Variants in ZNF667 observed in about 807,000 individuals in gnomAD.
ZNF667 encodes the protein zinc finger protein 667.
ZNF667 carries 13 observed loss-of-function variants against 31.8 expected under a neutral mutation model. That is an observed-to-expected ratio of 0.41 (90% CI 0.27 to 0.65). The LOEUF is 0.65. ZNF667 is among the 30% of genes least tolerant of loss of function. The pLI is 0.32. For missense variants in ZNF667, 642 were observed against 725.6 expected, an observed-to-expected ratio of 0.88 and a Z score of 1.32; for synonymous variants, 228 against 247.1, an observed-to-expected ratio of 0.92 and a Z score of 0.73.
At chr19:56,470,890 G>A (rs1328215247) in intron 3 of ZNF667, among the ~76,000 whole-genome samples, 4 of 152,144 alleles carry the variant, frequency 2.6e-5, no homozygotes, top group Non-Finnish European at 5.9e-5. Flanking sequence ...ACGGTGTGCT[G>A]GGGAATGTTT....
intron 2 of ZNF667, chr19:56,472,403 A>G (rs554263829): frequency 6.6e-6 from 1 of 152,122 alleles, no homozygotes; most frequent in African/African-American, 2.4e-5. Flanking sequence ...TTCCTTTTCA[A>G]CTCACAATAC....
chr19:56,451,066 T>C (rs1246300559), intron 6 of ZNF667, among the ~76,000 whole-genome samples: 1 of 151,992 alleles, frequency 6.6e-6, no homozygotes, highest in Admixed American at 6.6e-5. Context: ...AAAGACTCAA[T>C]GATCTGTTCC....
chr19:56,458,065 T>C, intron 6 of ZNF667, 90 bp downstream of exon 6: 1 of 1,145,292 alleles, frequency 8.7e-7, no homozygotes, highest in South Asian at 1.3e-5. Context: ...AGAAGTAGAT[T>C]TCTGGTGTTT....
Position 56,441,693 on chromosome 19 carries a change from C to G in ZNF667, c.1302G>C (p.Gln434His), listed in dbSNP as rs1216654034. The change falls in exon 7 of 7, where the codon CAG becomes CAC. Residue 434 changes from glutamine (Q) to histidine (H), a missense_variant. By Grantham distance (24) the Gln-to-His change is conservative. Coordinates refer to ENST00000504904, the MANE Select transcript of ZNF667 (RefSeq NM_001321356.2). The surrounding 1 kb of genome is among the most constrained non-coding windows in gnomAD (Gnocchi z 4.2). ...FSGTANLKIH[Q>H]NIHSEEKPFK... is the part of the protein sequence containing the mutation. ...AAGGTTTCTCTTCAGAATGAATATT[C>G]TGATGTATTTTAAGGTTTGCAGTTC... The G allele has an allele frequency of 6.2e-7, 1 of 1,614,152 alleles. No individual in the cohort carries two copies. Among genetic ancestry groups the G allele is most frequent in the Non-Finnish European group, 8.5e-7 (1 of 1,180,036 alleles).
rs968601461 is a variant in ZNF667, at chr19:56,467,532, T to C, written c.-60+4167A>G. 3.9e-4 allele frequency among the ~76,000 whole-genome samples: 60 copies of C among 152,166 alleles called. 1 individual carries two copies. Among genetic ancestry groups the C allele is most frequent in the African/African-American group, 2.7e-4 (11 of 41,422 alleles). ...CAACTCAATTCTGACACTATGTTCC[T>C]GGGGACAGAATCAGATCCCAGAGCT... is the stretch of plus-strand genomic sequence containing the variant. On this transcript the variant is annotated intron_variant, in intron 3 of 6. Transcript: ENST00000504904.
chr19:56,441,273 C>G lies in ZNF667; in HGVS notation c.1722G>C (p.Gln574His). 6.2e-7 allele frequency: 1 copy of G among 1,614,156 alleles called. No homozygotes were observed. The highest frequency in any genetic ancestry group is 8.5e-7 in the Non-Finnish European group (1 of 1,180,006). Reference protein sequence around the residue: ...FSSGSDLIRHQRSHSSEKPYE... With the variant: ...FSSGSDLIRHHRSHSSEKPYE... ...AGGGTTTCTCTGAAGAATGACTTCT[C>G]TGATGTCGAATAAGGTCTGAGCCAC... is the stretch of plus-strand genomic sequence containing the variant. Residue 574 changes from glutamine (Q) to histidine (H), a missense_variant, in exon 7 of 7, where the codon CAG (glutamine) becomes CAC (histidine). Coordinates refer to ENST00000504904, the MANE Select transcript of ZNF667 (RefSeq NM_001321356.2). The surrounding 1 kb of genome is among the most constrained non-coding windows in gnomAD (Gnocchi z 4.2).
At chr19:56,451,918 A>T (rs2042837156) in intron 6 of ZNF667, among the ~76,000 whole-genome samples, 1 of 150,558 alleles carries the variant, frequency 6.6e-6, no homozygotes, top group African/African-American at 2.4e-5. Flanking sequence ...TTGAAATCAT[A>T]TCAAGTATCT....
At chr19:56,463,049 G>A (rs1271500149) in intron 3 of ZNF667, among the ~76,000 whole-genome samples, 4 of 152,072 alleles carry the variant, frequency 2.6e-5, no homozygotes, top group African/African-American at 7.2e-5. Context: ...AGGAGAGCAA[G>A]GTCTGTGTAC....
At chr19:56,454,077 C>T (rs1328424060) in intron 6 of ZNF667, among the ~76,000 whole-genome samples, 1 of 152,078 alleles carries the variant, frequency 6.6e-6, no homozygotes, top group African/African-American at 2.4e-5. Flanking sequence ...CAAGTAATCC[C>T]ATTTACAATA....
chr19:56,469,555 A>C (rs974200776), intron 3 of ZNF667, among the ~76,000 whole-genome samples: 2 of 152,198 alleles, frequency 1.3e-5, no homozygotes, highest in African/African-American at 2.4e-5. Flanking sequence ...CCTCCCTGCT[A>C]GTCCCTGAAG....
intron 4 of ZNF667, 24 bp downstream of exon 4, chr19:56,462,314 G>A (rs759692280): frequency 6.2e-7 from 1 of 1,614,080 alleles, no homozygotes; most frequent in Admixed American, 1.7e-5. Flanking sequence ...GGGTGTTCCG[G>A]AAGGAAGAGG....
intron 5 of ZNF667, among the ~76,000 whole-genome samples, chr19:56,458,776 C>G (rs1020959502): frequency 2.0e-5 from 3 of 152,188 alleles, no homozygotes; most frequent in Admixed American, 6.5e-5. Flanking sequence ...TCCCTCCCCC[C>G]ATAACTTACC....
At chr19:56,460,443 G>A (rs2043021838) in intron 5 of ZNF667, among the ~76,000 whole-genome samples, 1 of 152,174 alleles carries the variant, frequency 6.6e-6, no homozygotes, top group South Asian at 2.1e-4. Flanking sequence ...TGGGTACTGG[G>A]TTTTTGGGTG....
In ZNF667 at chr19:56,441,225, C is replaced by CT. The variant is rs751613633; in HGVS notation, c.1769dup (p.Ala591GlyfsTer3). ...TCAGGGATGAACTCCGACTATATGC[C>CT]TTCCCACATTTACTACATTCATAGG... On this transcript the variant is annotated frameshift_variant, in exon 7 of 7. Coordinates refer to ENST00000504904, the MANE Select transcript of ZNF667 (RefSeq NM_001321356.2). LOFTEE classifies it high-confidence loss of function. This position sits in a 1 kb window ranked among gnomAD's most constrained non-coding sequence, Gnocchi z 4.2. 6.2e-7 allele frequency: 1 copy of CT among 1,613,940 alleles called. No individual in the cohort carries two copies.
chr19:56,461,189 A>T (rs2043037972), intron 4 of ZNF667, among the ~76,000 whole-genome samples: 1 of 152,278 alleles, frequency 6.6e-6, no homozygotes, highest in East Asian at 1.9e-4. Context: ...AGGCCCAGAG[A>T]GATGAGAAAA....
Position 56,467,901 on chromosome 19 carries a change from A to C in ZNF667, c.-60+3798T>G, listed in dbSNP as rs1487668801. The C allele has an allele frequency of 2.0e-5, 3 of 152,246 alleles. No individual in the cohort carries two copies. The East Asian group carries it at 5.8e-4, about 29-fold the overall frequency. The allele number at this position is 152,246 out of a possible 1,614,324, so 9.4% of individuals were successfully genotyped here. A position where few individuals can be genotyped will look rare whatever the true frequency, so the allele number is the denominator to read the frequency against. On this transcript the variant is annotated intron_variant, in intron 3 of 6. Transcript: ENST00000504904. ...AAGCTCTTCAAACCCTGTCCTTCTGAGTTTTTATGGTGGCTTCATTACACA... is the reference window on the plus strand; with the variant it reads ...AAGCTCTTCAAACCCTGTCCTTCTGCGTTTTTATGGTGGCTTCATTACACA...
chr19:56,452,806 G>A (rs1334113101), intron 6 of ZNF667, among the ~76,000 whole-genome samples: 1 of 151,920 alleles, frequency 6.6e-6, no homozygotes, highest in African/African-American at 2.4e-5. Flanking sequence ...TGTAATCCCA[G>A]CTACTCAGGA....
intron 6 of ZNF667, among the ~76,000 whole-genome samples, chr19:56,450,597 G>A (rs1446449544): frequency 6.6e-6 from 1 of 152,122 alleles, no homozygotes; most frequent in Non-Finnish European, 1.5e-5. Context: ...TAATTGTGAT[G>A]TGTAAACTAC....
At position 56,462,358 on chromosome 19, in the gene ZNF667, G is replaced by T; in HGVS notation, c.13C>A (p.Arg5=). The T allele has an allele frequency of 6.2e-7, 1 of 1,614,210 alleles. No individual in the cohort carries two copies. The highest frequency in any genetic ancestry group is 8.5e-7 in the Non-Finnish European group (1 of 1,180,040). The change falls in exon 4 of 7, where the codon CGG becomes AGG. Residue 5 remains arginine (R), a synonymous_variant. Coordinates refer to ENST00000504904, the MANE Select transcript of ZNF667 (RefSeq NM_001321356.2). ...CTTACCTTGGATTTGGATTTCCCCC[G>T]TGCAGAAGGCATCCTTTCCTCCCCC... MPSA[R]GKSKSKAPIT...
Sources: allele counts gnomAD v4.1 joint callset (sites outside exome capture counted in the v4.1 genomes callset), GRCh38; gene constraint gnomAD v4.1.1; non-coding constraint Gnocchi (gnomAD v3.1); transcripts MANE v1.5; gene names NCBI Gene and HGNC (gene_info 2026-07-23, HGNC 2026-07-21).